The following JCHAIN variants were observed in gnomAD, a reference collection of about 807,000 sequenced individuals.
The protein encoded by JCHAIN is immunoglobulin J chain.
In JCHAIN, 5 loss-of-function variants were observed where a neutral mutation model predicts 11.1. The ratio of observed to expected loss-of-function variants is 0.45; its 90% CI spans 0.24 to 0.95. The LOEUF (loss-of-function observed/expected upper bound fraction) is 0.95, where lower values mean the gene tolerates loss of function less well. Ranked by LOEUF, JCHAIN falls within the 40% of genes least tolerant of loss-of-function variation. The pLI is 0.21. For missense variants in JCHAIN, 165 were observed against 192.7 expected (o/e 0.86, Z 0.85); for synonymous variants, 51 against 67.8 (o/e 0.75, Z 1.22).
chr4:70,660,476 C>T (rs1440808723), intron 2 of JCHAIN, among the ~76,000 whole-genome samples: 12 of 151,410 alleles, frequency 7.9e-5, no homozygotes, highest in African/African-American at 1.9e-4. Context: ...CTCCGCCTTC[C>T]GGGTTCAAGT....
intron 1 of JCHAIN, among the ~76,000 whole-genome samples, chr4:70,665,386 C>G (rs951678247): frequency 2.6e-5 from 4 of 152,056 alleles, no homozygotes; most frequent in Admixed American, 1.3e-4. Flanking sequence ...AGCATGATAC[C>G]TAGAATATCA....
chr4:70,662,495 A>T (rs774149933), intron 1 of JCHAIN, among the ~76,000 whole-genome samples: 86 of 151,846 alleles, frequency 5.7e-4, no homozygotes, highest in Middle Eastern at 3.4e-3. Flanking sequence ...TTGTACTTAA[A>T]TTTTTTTTGT....
At chr4:70,666,386 T>C in intron 1 of JCHAIN, 41 bp downstream of exon 1, 1 of 1,423,086 alleles carries the variant, frequency 7.0e-7, no homozygotes. Context: ...CTGTCCTATA[T>C]TTTTCCTTTG....
rs183149751 is a variant in JCHAIN at position 70,663,708 on chromosome 4, G to A, written c.65-1493C>T. Among the ~76,000 whole-genome samples, 257 of 151,490 alleles carry A rather than the reference G, an allele frequency of 1.7e-3. 2 individuals are homozygous for A. Among genetic ancestry groups the A allele is most frequent in the African/African-American group, 5.4e-3 (224 of 41,386 alleles). On this transcript the variant is annotated intron_variant, in intron 1 of 3. Transcript: ENST00000254801. ...CCCAAGTAGCTGGGATTACAGGCAT[G>A]TGCCACCATGCCCAGCTAATTTTTG...
chr4:70,657,645 T>C (rs948326460), intron 2 of JCHAIN, among the ~76,000 whole-genome samples: 1 of 152,148 alleles, frequency 6.6e-6, no homozygotes, highest in African/African-American at 2.4e-5. Flanking sequence ...AATGCTCATA[T>C]ATATTTATTA....
intron 1 of JCHAIN, among the ~76,000 whole-genome samples, chr4:70,666,068 T>C (rs1464945122): frequency 1.3e-5 from 2 of 152,310 alleles, no homozygotes; most frequent in East Asian, 3.8e-4. Context: ...GCATTCCATG[T>C]TGTACTTACA....
chr4:70,665,005 G>A (rs1238983397), intron 1 of JCHAIN, among the ~76,000 whole-genome samples: 1 of 152,148 alleles, frequency 6.6e-6, no homozygotes, highest in East Asian at 1.9e-4. Context: ...TAACAAACCT[G>A]TTATTAGGGA....
At chr4:70,662,402 G>T (rs969134765) in intron 1 of JCHAIN, among the ~76,000 whole-genome samples, 187 bp from the exon 2 acceptor site, 4 of 152,006 alleles carry the variant, frequency 2.6e-5, no homozygotes, top group Admixed American at 2.0e-4. Context: ...ACTCTAAAAG[G>T]GATTTTCACT....
intron 2 of JCHAIN, among the ~76,000 whole-genome samples, chr4:70,658,227 C>G (rs1738992952): frequency 6.6e-6 from 1 of 152,088 alleles, no homozygotes; most frequent in Non-Finnish European, 1.5e-5. Context: ...TTCAGGACAC[C>G]ACTATCCTCT....
chr4:70,663,965 A>AC lies in JCHAIN; in HGVS notation c.65-1751dup, dbSNP rs1420252241. On this transcript the variant is annotated intron_variant, in intron 1 of 3. Transcript: ENST00000254801. ...TGATGTTGGCCGGGTGCAGTGGCTC[A>AC]CGCCTGTAATCCCAGCACTTTGGGA... The AC allele has an allele frequency of 2.0e-5, 3 of 150,880 alleles. No homozygotes were observed. The East Asian group carries it at 6.0e-4, about 30-fold the overall frequency. The allele number at this position is 150,880 out of a possible 1,614,324, so 9.3% of individuals were successfully genotyped here. A position where few individuals can be genotyped will look rare whatever the true frequency, so the allele number is the denominator to read the frequency against.
rs554822724 is a variant in JCHAIN, at chr4:70,660,186, C to T, written c.188+1906G>A. Among the ~76,000 whole-genome samples the T allele has an allele frequency of 7.2e-5, 11 of 152,174 alleles. No individual in the cohort carries two copies. In the East Asian group the frequency reaches 9.7e-4, roughly 13 times the overall value. On this transcript the variant is annotated intron_variant, in intron 2 of 3. Coordinates refer to ENST00000254801, the MANE Select transcript of JCHAIN (RefSeq NM_144646.4). ...TACTCCAGCTATTCTATCCCTAACA[C>T]GAAGCTATGTGGGCAGGATCTGAGT...
At position 70,656,232 on chromosome 4, in the gene JCHAIN, C is replaced by A; in HGVS notation, c.*97G>T. ...CATCACCCAAAAAAAAAAAAAAGCC[C>A]TGGTTTCAAATTCATTGGTAATAAA... On this transcript the variant is annotated 3_prime_UTR_variant, in exon 4 of 4. Coordinates refer to ENST00000254801, the MANE Select transcript of JCHAIN (RefSeq NM_144646.4). The A allele has an allele frequency of 1.2e-6, 1 of 838,042 alleles. No individual in the cohort carries two copies. Among genetic ancestry groups the A allele is most frequent in the Non-Finnish European group, 1.9e-6 (1 of 539,950 alleles). The allele number at this position is 838,042 out of a possible 1,614,324, so 51.9% of individuals were successfully genotyped here. A position where few individuals can be genotyped will look rare whatever the true frequency, so the allele number is the denominator to read the frequency against.
rs1738937620 is a variant in JCHAIN, at chr4:70,655,816, TA to T, written c.*512del. 1 of 152,190 alleles carries T rather than the reference TA, an allele frequency of 6.6e-6. No individual in the cohort carries two copies. The highest frequency in any genetic ancestry group is 6.5e-5 in the Admixed American group (1 of 15,282). 9.4% of individuals were successfully genotyped at this position (152,190 alleles called of 1,614,324 possible). A position where few individuals can be genotyped will look rare whatever the true frequency, so the allele number is the denominator to read the frequency against. On this transcript the variant is annotated 3_prime_UTR_variant, in exon 4 of 4. Coordinates refer to ENST00000254801, the MANE Select transcript of JCHAIN (RefSeq NM_144646.4). ...CTAGTTCTAGAACATGTTTTCCAAT[TA>T]TTATTTTTCTAATGGAGACATATAA...
chr4:70,657,135 A>G (rs1191107224), intron 3 of JCHAIN, 76 bp downstream of exon 3: 1 of 762,916 alleles, frequency 1.3e-6, no homozygotes, highest in East Asian at 2.5e-5. Context: ...TTTTAAAAAC[A>G]TTCTTACTAA....
At chr4:70,659,497 C>A (rs1299030558) in intron 2 of JCHAIN, among the ~76,000 whole-genome samples, 1 of 126,016 alleles carries the variant, frequency 7.9e-6, no homozygotes, top group Non-Finnish European at 1.6e-5. Context: ...TTGCAGTGAG[C>A]CAAGATCATG....
rs748563018 is a variant in JCHAIN at position 70,662,136 on chromosome 4, G to A, written c.144C>T (p.Ser48=). 55 of 1,612,800 alleles carry A rather than the reference G, an allele frequency of 3.4e-5. No homozygotes were observed. The highest frequency in any genetic ancestry group is 1.4e-4 in the South Asian group (13 of 91,054). ...ARITSRIIRS[S]EDPNEDIVER... Reference sequence around the variant, plus strand: ...CCACAATGTCCTCATTAGGATCTTCGGAAGAACGGATGATCCTGGAAGTAA... The same window carrying A: ...CCACAATGTCCTCATTAGGATCTTCAGAAGAACGGATGATCCTGGAAGTAA... The change falls in exon 2 of 4, where the codon TCC becomes TCT. Residue 48 remains serine, a synonymous_variant. Transcript: ENST00000254801.
At chr4:70,656,637 G>C (rs1738955529) in intron 3 of JCHAIN, 98 bp from the exon 4 acceptor site, 1 of 828,294 alleles carries the variant, frequency 1.2e-6, no homozygotes, top group Admixed American at 2.0e-5. Flanking sequence ...TTGCAGCTCT[G>C]ACATGACAGC....
intron 2 of JCHAIN, among the ~76,000 whole-genome samples, chr4:70,659,992 T>C (rs146705003): frequency 1.3e-5 from 2 of 152,202 alleles, no homozygotes; most frequent in African/African-American, 4.8e-5. Flanking sequence ...ATTATCTGAT[T>C]TCAGTAAACA....
Position 70,655,659 on chromosome 4 carries a change from T to G in JCHAIN, c.*670A>C, listed in dbSNP as rs923025929. The G allele has an allele frequency of 1.3e-5, 2 of 152,178 alleles. No individual in the cohort carries two copies. The highest frequency in any genetic ancestry group is 2.9e-5 in the Non-Finnish European group (2 of 68,024). 9.4% of individuals were successfully genotyped at this position (152,178 alleles called of 1,614,324 possible). A position where few individuals can be genotyped will look rare whatever the true frequency, so the allele number is the denominator to read the frequency against. On this transcript the variant is annotated 3_prime_UTR_variant, in exon 4 of 4. Transcript: ENST00000254801. ...TGTTTCAAATGGCAATTTCTTACAC[T>G]AACCTGATTATGAAAAAAAGAAGTC...
Sources: gnomAD v4.1 joint callset for allele counts (sites outside exome capture counted in the v4.1 genomes callset) on GRCh38, gnomAD v4.1.1 for gene constraint, MANE v1.5 for transcripts, NCBI Gene and HGNC (gene_info 2026-07-23, HGNC 2026-07-21) for gene names.